IQGAP2: variants seen among roughly 807,000 people sequenced by gnomAD.
IQGAP2 encodes ras GTPase-activating-like protein IQGAP2.
A neutral mutation model predicts 201.3 loss-of-function variants in IQGAP2; 173 were observed. The observed-to-expected ratio is 0.86, with a 90% CI of 0.76 to 0.98. IQGAP2 has a LOEUF of 0.98. IQGAP2 is among the 50% of genes least tolerant of loss of function. The pLI is 0.00. For missense variants in IQGAP2, 1,687 were observed against 1,864.8 expected (o/e 0.90, Z 1.76); for synonymous variants, 675 against 673.9 (o/e 1.00, Z -0.03).
In IQGAP2 at chr5:76,403,577, G is replaced by C; in HGVS notation, c.32G>C (p.Arg11Thr). The change falls in exon 1 of 36, where the codon AGA (arginine) becomes ACA (threonine). Residue 11 changes from arginine (R) to threonine (T), a missense_variant. By Grantham distance (71) the Arg-to-Thr change is moderately conservative. Coordinates refer to ENST00000274364, the MANE Select transcript of IQGAP2 (RefSeq NM_006633.5). The surrounding 1 kb of genome is among the most constrained non-coding windows in gnomAD (Gnocchi z 4.8). MPHEELPSLQ[R>T]PRYGSIVDDE... is the part of the protein sequence containing the mutation. ...CACGAAGAGCTGCCGTCGCTGCAGA[G>C]ACCCCGCTATGGCTGTAAGTGCGCC... 6.5e-7 allele frequency: 1 copy of C among 1,543,596 alleles called. No homozygotes were observed. The highest frequency in any genetic ancestry group is 2.6e-5 in the East Asian group (1 of 38,810).
At position 76,600,916 on chromosome 5, in the gene IQGAP2, T is replaced by A; in HGVS notation, c.1176T>A (p.Asn392Lys). The A allele has an allele frequency of 6.2e-7, 1 of 1,614,144 alleles. No individual in the cohort carries two copies. The highest frequency in any genetic ancestry group is 2.2e-5 in the East Asian group (1 of 44,884). The change falls in exon 11 of 36, where the codon AAT (asparagine) becomes AAA (lysine). Residue 392 changes from asparagine (N) to lysine (K), a missense_variant. Asn to Lys is a moderately conservative substitution (Grantham distance 94). Coordinates refer to ENST00000274364, the MANE Select transcript of IQGAP2 (RefSeq NM_006633.5). ...LESNDLVSVQ[N>K]QLRSPAIGLN... ...GCAACGATCTTGTGTCTGTGCAGAATCAACTCAGAAGCCCCGCAATAGGCT... is the reference window on the plus strand; with the variant it reads ...GCAACGATCTTGTGTCTGTGCAGAAACAACTCAGAAGCCCCGCAATAGGCT...
chr5:76,480,513 G>A (rs1454869900), intron 2 of IQGAP2, among the ~76,000 whole-genome samples: 13 of 152,098 alleles, frequency 8.5e-5, no homozygotes, highest in Admixed American at 6.6e-4. Context: ...TCTTCTGAAC[G>A]CCCCTAGCAC....
At chr5:76,669,785 G>C (rs1178270823) in intron 23 of IQGAP2, among the ~76,000 whole-genome samples, 5 of 152,128 alleles carry the variant, frequency 3.3e-5, no homozygotes, top group African/African-American at 9.7e-5. Flanking sequence ...CCAGGTAGTG[G>C]GAGACTCTGA....
At chr5:76,630,690 CACAA>C (rs1171939706) in intron 14 of IQGAP2, among the ~76,000 whole-genome samples, 1 of 136,546 alleles carries the variant, frequency 7.3e-6, no homozygotes, top group Non-Finnish European at 1.6e-5. Flanking sequence ...TTTCTTGGAC[CACAA>C]ACTTCTCAAT....
chr5:76,632,149 T>C, intron 15 of IQGAP2, 123 bp downstream of exon 15: 1 of 848,732 alleles, frequency 1.2e-6, no homozygotes, highest in Non-Finnish European at 1.7e-6. Context: ...TTTTTTGTCA[T>C]CTATGGCTAA....
At chr5:76,630,404 C>CAAT (rs1261125215) in intron 14 of IQGAP2, among the ~76,000 whole-genome samples, 1 of 152,094 alleles carries the variant, frequency 6.6e-6, no homozygotes, top group Non-Finnish European at 1.5e-5. Context: ...AAATAAGGAG[C>CAAT]AATAGCAGCT....
intron 3 of IQGAP2, among the ~76,000 whole-genome samples, chr5:76,563,267 A>G (rs79537528): frequency 0.056 from 8,558 of 152,272 alleles, 719 homozygotes; most frequent in East Asian, 0.44. Context: ...GATCAACAAT[A>G]AAAACCGCAC....
chr5:76,658,733 C>T lies in IQGAP2; in HGVS notation c.2529+66C>T. 15 of 1,304,466 alleles carry T rather than the reference C, an allele frequency of 1.1e-5. No individual in the cohort carries two copies. The South Asian group carries it at 1.9e-4, about 16-fold the overall frequency. 80.8% of individuals were successfully genotyped at this position (1,304,466 alleles called of 1,614,324 possible). ...AAGACGCCTACATACAGTCAAGAGT[C>T]ACTTAATGACAGGGATACATTCTCA... On this transcript the variant is annotated intron_variant, in intron 21 of 35. Transcript: ENST00000274364.
intron 1 of IQGAP2, among the ~76,000 whole-genome samples, chr5:76,432,417 G>C (rs1378747277): frequency 6.6e-6 from 1 of 152,122 alleles, no homozygotes; most frequent in Admixed American, 6.5e-5. Flanking sequence ...GAGCCACCAT[G>C]CTCAGCCCAG....
intron 1 of IQGAP2, among the ~76,000 whole-genome samples, chr5:76,431,705 C>G (rs1752377043): frequency 6.6e-6 from 1 of 151,900 alleles, no homozygotes; most frequent in Admixed American, 6.6e-5. Context: ...TGCCTGTAGT[C>G]CCAGCTACTC....
intron 2 of IQGAP2, among the ~76,000 whole-genome samples, chr5:76,560,931 C>G (rs976470899): frequency 1.3e-5 from 2 of 152,128 alleles, no homozygotes; most frequent in Non-Finnish European, 2.9e-5. Context: ...AATTTATAAA[C>G]TAGGAATAGA....
intron 2 of IQGAP2, among the ~76,000 whole-genome samples, chr5:76,561,074 G>A (rs1035751473): frequency 6.6e-6 from 1 of 152,190 alleles, no homozygotes; most frequent in Non-Finnish European, 1.5e-5. Flanking sequence ...TTCTTGTGAT[G>A]AGGAAGGGAT....
At chr5:76,591,544 T>G (rs1371264047) in intron 8 of IQGAP2, among the ~76,000 whole-genome samples, 3 of 152,172 alleles carry the variant, frequency 2.0e-5, no homozygotes, top group Admixed American at 6.5e-5. Context: ...CACTTTAGGT[T>G]TTGGCATTTT....
intron 3 of IQGAP2, among the ~76,000 whole-genome samples, chr5:76,564,544 G>A (rs886408948): frequency 3.9e-5 from 6 of 152,188 alleles, no homozygotes; most frequent in African/African-American, 1.4e-4. Flanking sequence ...TTGAATATAG[G>A]AGTGTCCTTC....
At chr5:76,437,490 C>T (rs1752771939) in intron 1 of IQGAP2, among the ~76,000 whole-genome samples, 1 of 152,030 alleles carries the variant, frequency 6.6e-6, no homozygotes, top group Non-Finnish European at 1.5e-5. Context: ...GGTATTAAGC[C>T]CCAAAGGCAT....
intron 2 of IQGAP2, among the ~76,000 whole-genome samples, chr5:76,546,480 C>A (rs978262625): frequency 2.0e-5 from 3 of 152,106 alleles, no homozygotes; most frequent in African/African-American, 7.2e-5. Context: ...GTGCACTATA[C>A]TTAGAGCTGT....
At chr5:76,626,679 C>T (rs1697845) in intron 13 of IQGAP2, among the ~76,000 whole-genome samples, 97,840 of 151,966 alleles carry the variant, frequency 0.64, 31,706 homozygotes, top group Middle Eastern at 0.69. Context: ...TAAATATCGA[C>T]GATCCCTGTG....
intron 4 of IQGAP2, among the ~76,000 whole-genome samples, chr5:76,571,220 G>A (rs1476768340): frequency 1.3e-5 from 2 of 151,542 alleles, no homozygotes; most frequent in Admixed American, 6.6e-5. Context: ...TGGCTCTGTC[G>A]CCCAGTCTGG....
At chr5:76,423,431 G>C (rs1319272105) in intron 1 of IQGAP2, among the ~76,000 whole-genome samples, 1 of 152,144 alleles carries the variant, frequency 6.6e-6, no homozygotes, top group East Asian at 1.9e-4. Flanking sequence ...GACCAGCCTG[G>C]CCAAGGTGGT....
Sources: allele counts gnomAD v4.1 joint callset (sites outside exome capture counted in the v4.1 genomes callset), GRCh38; gene constraint gnomAD v4.1.1; non-coding constraint Gnocchi (gnomAD v3.1); transcripts MANE v1.5; gene names NCBI Gene and HGNC (gene_info 2026-07-23, HGNC 2026-07-21).